The following CANX variants were observed in gnomAD, a reference collection of about 807,000 sequenced individuals.
The protein encoded by CANX is calnexin.
Under a neutral mutation model 75.7 loss-of-function variants are expected in CANX, and 14 were observed. That is an observed-to-expected ratio of 0.19 (90% confidence interval 0.12 to 0.29). The LOEUF (loss-of-function observed/expected upper bound fraction) is 0.29, where lower values mean the gene tolerates loss of function less well. Ranked by LOEUF, CANX falls within the 10% of genes least tolerant of loss-of-function variation. The pLI, the probability that CANX is intolerant of heterozygous loss-of-function variation, is 1.00. For synonymous variants in CANX, 227 were observed against 236.9 expected, an observed-to-expected ratio of 0.96 and a Z score of 0.38; for missense variants, 567 against 713.2, an observed-to-expected ratio of 0.79 and a Z score of 2.34.
At chr5:179,713,771 A>G (rs1226175645) in intron 7 of CANX, among the ~76,000 whole-genome samples, 4 of 151,946 alleles carry the variant, frequency 2.6e-5, no homozygotes, top group African/African-American at 7.2e-5. Flanking sequence ...ATAATTATTC[A>G]GGCTTGGTAG....
chr5:179,718,279 C>T (rs926537684), intron 8 of CANX, among the ~76,000 whole-genome samples: 3 of 150,608 alleles, frequency 2.0e-5, no homozygotes, highest in Non-Finnish European at 4.4e-5. Flanking sequence ...CGGGTTCAAA[C>T]GATTCTCGTG....
rs2113218143 is a variant in CANX, at chr5:179,716,271, A to G, written c.888A>G (p.Pro296=). 3 of 1,614,132 alleles carry G rather than the reference A, an allele frequency of 1.9e-6. No individual in the cohort carries two copies. Among genetic ancestry groups the G allele is most frequent in the Non-Finnish European group, 2.5e-6 (3 of 1,179,970 alleles). Residue 296 remains proline, a synonymous_variant, in exon 8 of 15, where the codon CCA becomes CCG. Coordinates refer to ENST00000247461, the MANE Select transcript of CANX (RefSeq NM_001746.4). ...ATGAAAGACCAAAAATCCCAGATCC[A>G]GAAGCTGTCAAGCCAGATGACTGGT... ...DWDERPKIPD[P]EAVKPDDWDE... is the part of the protein sequence containing the mutation.
chr5:179,687,897 T>G (rs892779396), intron 1 of CANX, among the ~76,000 whole-genome samples: 19 of 151,500 alleles, frequency 1.3e-4, no homozygotes, highest in African/African-American at 4.4e-4. Context: ...TAGCTGGGTG[T>G]GGTGGCGCAC....
intron 1 of CANX, chr5:179,679,362 G>T: frequency 9.1e-7 from 1 of 1,093,028 alleles, no homozygotes; most frequent in Non-Finnish European, 1.3e-6. Context: ...AGCTACGGCT[G>T]CGGCTGTGTC....
upstream of CANX, chr5:179,698,930 G>C: frequency 8.8e-7 from 1 of 1,141,444 alleles, no homozygotes; most frequent in Non-Finnish European, 1.1e-6. Context: ...GGCGGGCACA[G>C]GGCCGGGCTT....
At chr5:179,693,834 TA>T (rs111904332), upstream of CANX, among the ~76,000 whole-genome samples, 365 of 143,244 alleles carry the variant, frequency 2.5e-3, no homozygotes, top group African/African-American at 3.3e-3. Flanking sequence ...TAACTTGTCT[TA>T]AAAAAAAAAA....
intron 4 of CANX, 41 bp downstream of exon 4, chr5:179,707,231 G>T (rs1581853267): frequency 9.6e-7 from 1 of 1,039,802 alleles, no homozygotes; most frequent in African/African-American, 1.6e-5. Context: ...GCAGATAGAG[G>T]TTTGACATGT....
chr5:179,723,132 T>A, intron 11 of CANX, 113 bp downstream of exon 11: 2 of 854,014 alleles, frequency 2.3e-6, no homozygotes, highest in Non-Finnish European at 3.8e-6. Flanking sequence ...ATAAAAAGTA[T>A]AACCATATGC....
At chr5:179,686,959 T>A (rs576079674) in intron 1 of CANX, among the ~76,000 whole-genome samples, 1 of 152,036 alleles carries the variant, frequency 6.6e-6, no homozygotes, top group Non-Finnish European at 1.5e-5. Flanking sequence ...GTATTTTTAG[T>A]AGAGACAGGG....
rs367668742 is a variant in CANX, at chr5:179,724,666, A to G, written c.1528A>G (p.Ser510Gly). The G allele has an allele frequency of 3.7e-6, 6 of 1,613,300 alleles. No individual in the cohort carries two copies. In the South Asian group the frequency reaches 6.6e-5, roughly 18 times the overall value. Residue 510 changes from serine to glycine, a missense_variant, in exon 13 of 15, where the codon AGT (serine) becomes GGT (glycine). Coordinates refer to ENST00000247461, the MANE Select transcript of CANX (RefSeq NM_001746.4). The part of the protein sequence containing the change: ...LFCCSGKKQT[S>G]GMEYKKTDAP... ...TTGGGGAACATTTCAGAAACAGACC[A>G]GTGGTATGGAGTATAAGAAAACTGA...
At chr5:179,698,535 G>C (rs773341587), upstream of CANX, 2 of 1,289,406 alleles carry the variant, frequency 1.6e-6, no homozygotes, top group Non-Finnish European at 2.0e-6. Context: ...CCCTTTTGCC[G>C]GCTGCCGTTT....
chr5:179,708,687 C>T (rs1461831256), intron 5 of CANX, among the ~76,000 whole-genome samples: 1 of 150,304 alleles, frequency 6.7e-6, no homozygotes. Context: ...GTTTTTCCTG[C>T]CTAATGCATT....
chr5:179,704,624 T>G (rs989078279), intron 1 of CANX, among the ~76,000 whole-genome samples: 2 of 151,324 alleles, frequency 1.3e-5, no homozygotes, highest in African/African-American at 4.9e-5. Flanking sequence ...TCACCTGAGG[T>G]CAGGAGTTCG....
chr5:179,698,325 T>C (rs1278277255), upstream of CANX: 2 of 846,380 alleles, frequency 2.4e-6, no homozygotes, highest in African/African-American at 1.8e-5. Flanking sequence ...TATTCTGGAC[T>C]GTGTGTTATG....
At chr5:179,709,346 G>A (rs1422763294) in intron 6 of CANX, among the ~76,000 whole-genome samples, 4 of 151,918 alleles carry the variant, frequency 2.6e-5, no homozygotes, top group Admixed American at 6.6e-5. Context: ...CCTGGGAGGC[G>A]GAACTTGCAG....
At chr5:179,709,336 C>T (rs1777366561) in intron 6 of CANX, among the ~76,000 whole-genome samples, 1 of 152,000 alleles carries the variant, frequency 6.6e-6, no homozygotes, top group Non-Finnish European at 1.5e-5. Flanking sequence ...ATGGCATGAA[C>T]CTGGGAGGCG....
At chr5:179,715,815 GT>G (rs1195140945) in intron 7 of CANX, 4 of 422,046 alleles carry the variant, frequency 9.5e-6, no homozygotes, top group East Asian at 5.3e-5. Flanking sequence ...GTAGTTTCTT[GT>G]TTTTTTTGTT....
chr5:179,727,831 A>C (rs1414747143), intron 14 of CANX, among the ~76,000 whole-genome samples: 4 of 152,156 alleles, frequency 2.6e-5, no homozygotes, highest in Non-Finnish European at 5.9e-5. Flanking sequence ...GTTTTGTGGT[A>C]GATTGGATAT....
intron 1 of CANX, among the ~76,000 whole-genome samples, chr5:179,685,034 T>A (rs1321346266): frequency 3.7e-5 from 5 of 136,214 alleles, no homozygotes; most frequent in Non-Finnish European, 7.7e-5. Context: ...TGCCTCTACC[T>A]CCCAAAGTGC....
Sources: allele counts gnomAD v4.1 joint callset (sites outside exome capture counted in the v4.1 genomes callset), GRCh38; gene constraint gnomAD v4.1.1; transcripts MANE v1.5; gene names NCBI Gene and HGNC (gene_info 2026-07-23, HGNC 2026-07-21).